The following DSCAM variants were observed in gnomAD, a reference collection of about 807,000 sequenced individuals.
DSCAM encodes DS cell adhesion molecule.
In DSCAM, 47 loss-of-function variants were observed where a neutral mutation model predicts 217.7. That is an observed-to-expected ratio of 0.22 (90% CI 0.17 to 0.28). The LOEUF is 0.28. DSCAM is among the 10% of genes least tolerant of loss of function. DSCAM has a pLI of 1.00. For missense variants in DSCAM, 2,080 were observed against 2,618.3 expected, an observed-to-expected ratio of 0.79 and a Z score of 4.49; for synonymous variants, 1,056 against 1,015.3, an observed-to-expected ratio of 1.04 and a Z score of -0.76.
chr21:40,487,292 CGTGT>C (rs201336993), intron 3 of DSCAM, among the ~76,000 whole-genome samples: 2,157 of 133,222 alleles, frequency 0.016, 53 homozygotes, highest in African/African-American at 0.058. Flanking sequence ...TGCATGTGTG[CGTGT>C]GTGCGTGCGT....
chr21:40,661,212 A>T (rs183116470), intron 3 of DSCAM, among the ~76,000 whole-genome samples: 1 of 152,232 alleles, frequency 6.6e-6, no homozygotes, highest in Non-Finnish European at 1.5e-5. Context: ...GTTAGTTTCT[A>T]TGGTTTACAG....
chr21:40,787,983 G>C (rs1258547423), intron 1 of DSCAM, among the ~76,000 whole-genome samples: 1 of 152,180 alleles, frequency 6.6e-6, no homozygotes, highest in East Asian at 1.9e-4. Context: ...CATCTGCTGG[G>C]TGTCAAAGTT....
chr21:40,580,080 ATT>A (rs530550322), intron 3 of DSCAM, among the ~76,000 whole-genome samples: 10 of 142,456 alleles, frequency 7.0e-5, no homozygotes, highest in East Asian at 4.2e-4. Context: ...ACCATGTTTA[ATT>A]TTTTTTTTTT....
intron 3 of DSCAM, among the ~76,000 whole-genome samples, chr21:40,610,935 C>T (rs575548049): frequency 6.6e-6 from 1 of 152,206 alleles, no homozygotes; most frequent in South Asian, 2.1e-4. Flanking sequence ...AGAACCTTCT[C>T]TTCAGAGCAG....
intron 1 of DSCAM, among the ~76,000 whole-genome samples, chr21:40,733,217 G>T (rs956201088): frequency 3.9e-5 from 6 of 152,222 alleles, no homozygotes; most frequent in Admixed American, 6.5e-5. Context: ...CTGGAGACAA[G>T]TGCCAGGGGA....
chr21:40,299,233 G>A (rs2073988101), intron 9 of DSCAM, among the ~76,000 whole-genome samples: 1 of 152,138 alleles, frequency 6.6e-6, no homozygotes, highest in Admixed American at 6.5e-5. Context: ...CCACCTTGAG[G>A]AAAATGCTAT....
intron 11 of DSCAM, among the ~76,000 whole-genome samples, chr21:40,228,007 A>G (rs11911047): frequency 0.077 from 11,718 of 152,172 alleles, 950 homozygotes; most frequent in African/African-American, 0.2. Flanking sequence ...GATGACTGTC[A>G]GTCTTGAGGA....
intron 9 of DSCAM, among the ~76,000 whole-genome samples, chr21:40,296,427 G>A (rs536754284): frequency 1.3e-5 from 2 of 152,202 alleles, no homozygotes; most frequent in African/African-American, 2.4e-5. Flanking sequence ...AACTGGCCTC[G>A]AGGGAGGAAG....
intron 14 of DSCAM, among the ~76,000 whole-genome samples, chr21:40,184,195 C>T (rs1460376118): frequency 6.6e-6 from 1 of 152,172 alleles, no homozygotes; most frequent in East Asian, 1.9e-4. Flanking sequence ...TTTCTATGTA[C>T]TCAGTCTAAA....
At chr21:40,374,394 C>G (rs2074929627) in intron 3 of DSCAM, among the ~76,000 whole-genome samples, 1 of 152,100 alleles carries the variant, frequency 6.6e-6, no homozygotes, top group South Asian at 2.1e-4. Flanking sequence ...TTATGAAAGG[C>G]AACCGCATAT....
chr21:40,286,668 A>AGCAGTGTGATCT (rs2073827637), intron 10 of DSCAM, among the ~76,000 whole-genome samples: 1 of 139,500 alleles, frequency 7.2e-6, no homozygotes, highest in African/African-American at 3.2e-5. Flanking sequence ...CAGTGTGTTC[A>AGCAGTGTGATCT]GCAGTGTGAT....
At chr21:40,751,811 C>T (rs2091232193) in intron 1 of DSCAM, among the ~76,000 whole-genome samples, 1 of 152,102 alleles carries the variant, frequency 6.6e-6, no homozygotes, top group African/African-American at 2.4e-5. Context: ...AATTAAGTTA[C>T]ATTTTTAAAA....
At chr21:40,784,116 T>G (rs1280935599) in intron 1 of DSCAM, among the ~76,000 whole-genome samples, 1 of 151,462 alleles carries the variant, frequency 6.6e-6, no homozygotes, top group Admixed American at 6.6e-5. Flanking sequence ...TTCATTTTAT[T>G]AGAGAATATA....
chr21:40,622,367 G>A (rs1412086756), intron 3 of DSCAM, among the ~76,000 whole-genome samples: 3 of 152,146 alleles, frequency 2.0e-5, no homozygotes, highest in South Asian at 4.2e-4. Flanking sequence ...CATTGTCTTT[G>A]AGCTATTTTA....
intron 1 of DSCAM, among the ~76,000 whole-genome samples, chr21:40,723,533 A>C (rs888054265): frequency 1.3e-5 from 2 of 152,218 alleles, no homozygotes; most frequent in Non-Finnish European, 2.9e-5. Context: ...GAGGGGCAGC[A>C]TGCTTCATAG....
intron 11 of DSCAM, among the ~76,000 whole-genome samples, chr21:40,211,872 A>C (rs939797059): frequency 1.3e-5 from 2 of 152,118 alleles, no homozygotes; most frequent in South Asian, 2.1e-4. Context: ...ATGATGTCTT[A>C]ATTGTGTAGA....
chr21:40,759,592 G>A (rs968420246), intron 1 of DSCAM, among the ~76,000 whole-genome samples: 1 of 152,090 alleles, frequency 6.6e-6, no homozygotes, highest in Admixed American at 6.5e-5. Context: ...CATCAATACG[G>A]CGGGGAGTGG....
chr21:40,185,185 T>C (rs2090880134), intron 14 of DSCAM, among the ~76,000 whole-genome samples: 1 of 152,154 alleles, frequency 6.6e-6, no homozygotes, highest in Non-Finnish European at 1.5e-5. Context: ...CCTGCCCAGA[T>C]TGAAAGGGAG....
At chr21:40,757,003 ATGTGTG>A (rs1182232141) in intron 1 of DSCAM, among the ~76,000 whole-genome samples, 5 of 137,468 alleles carry the variant, frequency 3.6e-5, no homozygotes, top group Non-Finnish European at 7.9e-5. Flanking sequence ...GTGTGTGTGT[ATGTGTG>A]TGTATTTTAT....
Sources: gnomAD v4.1 joint callset for allele counts (sites outside exome capture counted in the v4.1 genomes callset) on GRCh38, gnomAD v4.1.1 for gene constraint, MANE v1.5 for transcripts, NCBI Gene and HGNC (gene_info 2026-07-23, HGNC 2026-07-21) for gene names.